The following SEMA6B variants were observed in gnomAD, a reference collection of about 807,000 sequenced individuals.
SEMA6B encodes semaphorin 6B, also known as semaphorin-6B.
SEMA6B carries 47 observed loss-of-function variants against 78.6 expected under a neutral mutation model. The observed-to-expected ratio is 0.60, with a 90% CI of 0.47 to 0.76. The LOEUF is 0.76. Ranked by LOEUF, SEMA6B falls within the 30% of genes least tolerant of loss-of-function variation. SEMA6B has a pLI of 0.00. For missense variants in SEMA6B, 1,213 were observed against 1,269.9 expected, an observed-to-expected ratio of 0.96 and a Z score of 0.68; for synonymous variants, 632 against 592.2, an observed-to-expected ratio of 1.07 and a Z score of -0.98.
chr19:4,554,370 C>T lies in SEMA6B; in HGVS notation c.771+18G>A, dbSNP rs746189578. ...GATCAGAGCCTCTCAACTTCATGCC[C>T]CACTGCACCGGCCTCACCTTCTCCA... On this transcript the variant is annotated intron_variant, in intron 9 of 16. Transcript: ENST00000586582. The T allele has an allele frequency of 1.3e-6, 2 of 1,597,772 alleles. No homozygotes were observed. Among genetic ancestry groups the T allele is most frequent in the African/African-American group, 2.7e-5 (2 of 74,540 alleles).
Position 4,550,727 on chromosome 19 carries a change from A to C in SEMA6B, c.1121+72T>G, listed in dbSNP as rs560039873. ...CAGCATCAGCTAAATAACCACCCGG[A>C]AGCCCCAGCCCTCGGCCCTGGGGAT... On this transcript the variant is annotated intron_variant, in intron 11 of 16. Transcript: ENST00000586582. This position sits in a 1 kb window ranked among gnomAD's most constrained non-coding sequence, Gnocchi z 6.6. 4.5e-6 allele frequency: 7 copies of C among 1,559,728 alleles called. No individual in the cohort carries two copies. The highest frequency in any genetic ancestry group is 6.1e-6 in the Non-Finnish European group (7 of 1,143,102).
Position 4,558,301 on chromosome 19 carries a change from G to T in SEMA6B, c.121+36C>A. 1 of 1,315,010 alleles carries T rather than the reference G, an allele frequency of 7.6e-7. No homozygotes were observed. Among genetic ancestry groups the T allele is most frequent in the South Asian group, 2.6e-5 (1 of 38,224 alleles). 81.5% of individuals were successfully genotyped at this position (1,315,010 alleles called of 1,614,324 possible). A position where few individuals can be genotyped will look rare whatever the true frequency, so the allele number is the denominator to read the frequency against. On this transcript the variant is annotated intron_variant, in intron 2 of 16. Coordinates refer to ENST00000586582, the MANE Select transcript of SEMA6B (RefSeq NM_032108.4). The surrounding 1 kb of genome is among the most constrained non-coding windows in gnomAD (Gnocchi z 5.1). ...ACTGGGAACCCAGATACTCCCACGG[G>T]ACTCCACCCCCGCCCAAAGACACCC...
Position 4,546,391 on chromosome 19 carries a change from C to A in SEMA6B, c.1679+1G>T. On this transcript the variant is annotated splice_donor_variant, in intron 15 of 16. Coordinates refer to ENST00000586582, the MANE Select transcript of SEMA6B (RefSeq NM_032108.4). LOFTEE classifies it high-confidence loss of function. ...CCACCCACCTCCCTCTCCCGCAGTA[C>A]CTGGTGCCCGGGCTGAGGAAGATGC... The A allele has an allele frequency of 6.3e-7, 1 of 1,584,738 alleles. No homozygotes were observed. Among genetic ancestry groups the A allele is most frequent in the African/African-American group, 1.3e-5 (1 of 74,308 alleles).
chr19:4,543,439 G>A lies in SEMA6B; in HGVS notation c.*162C>T. The A allele has an allele frequency of 2.5e-6, 1 of 396,418 alleles. No homozygotes were observed. The highest frequency in any genetic ancestry group is 4.4e-6 in the Non-Finnish European group (1 of 225,334). 24.6% of individuals were successfully genotyped at this position (396,418 alleles called of 1,614,324 possible). On this transcript the variant is annotated 3_prime_UTR_variant, in exon 17 of 17. Transcript: ENST00000586582. ...CCCCGGGTAGGGGGAGGGCGAGCTG[G>A]TTGTGCTTCCTTGTGGCGGAGGGGG...
chr19:4,559,039 A>G (rs573977426), intron 1 of SEMA6B, among the ~76,000 whole-genome samples: 194 of 152,184 alleles, frequency 1.3e-3, no homozygotes, highest in African/African-American at 4.5e-3. Context: ...ACAAAAAAAT[A>G]CAAAAATTAG....
chr19:4,554,396 G>A lies in SEMA6B; in HGVS notation c.763C>T (p.Leu255=), dbSNP rs768907531. The A allele has an allele frequency of 1.9e-6, 3 of 1,613,368 alleles. No homozygotes were observed. In the African/African-American group the frequency reaches 4.0e-5, roughly 22 times the overall value. Residue 255 remains leucine (L), a synonymous_variant, in exon 9 of 17, where the codon CTG becomes TTG. Coordinates refer to ENST00000586582, the MANE Select transcript of SEMA6B (RefSeq NM_032108.4). ...FREIAMEFNY[L]EKVVVSRVAR... ...CACTGCACCGGCCTCACCTTCTCCA[G>A]GTAGTTAAACTCCATCGCAATCTCC...
Position 4,544,789 on chromosome 19 carries a change from C to T in SEMA6B, c.1739-260G>A, listed in dbSNP as rs1977123904. 6.6e-6 allele frequency among the ~76,000 whole-genome samples: 1 copy of T among 151,962 alleles called. No individual in the cohort carries two copies. Among genetic ancestry groups the T allele is most frequent in the African/African-American group, 2.4e-5 (1 of 41,390 alleles). ...TAGCTGGGACCACAGGTGCCCACCA[C>T]CACGCCCGGCTAATTTTTGTATTTT... On this transcript the variant is annotated intron_variant, in intron 16 of 16. Coordinates refer to ENST00000586582, the MANE Select transcript of SEMA6B (RefSeq NM_032108.4). This position sits in a 1 kb window ranked among gnomAD's most constrained non-coding sequence, Gnocchi z 5.1.
At chr19:4,557,101 C>A in intron 4 of SEMA6B, 62 bp downstream of exon 4, 1 of 1,591,032 alleles carries the variant, frequency 6.3e-7, no homozygotes, top group East Asian at 2.2e-5. Context: ...ACCCAGCTCC[C>A]CGGCGCAGTG....
At chr19:4,549,009 T>A (rs1180960348) in intron 12 of SEMA6B, among the ~76,000 whole-genome samples, 1 of 151,950 alleles carries the variant, frequency 6.6e-6, no homozygotes, top group Non-Finnish European at 1.5e-5. Flanking sequence ...GTATTTTTAG[T>A]AGAGACAGGG....
chr19:4,543,642 G>A lies in SEMA6B; in HGVS notation c.2626C>T (p.Pro876Ser). The A allele has an allele frequency of 8.1e-7, 1 of 1,232,444 alleles. No individual in the cohort carries two copies. The highest frequency in any genetic ancestry group is 1.0e-6 in the Non-Finnish European group (1 of 988,124). The allele number at this position is 1,232,444 out of a possible 1,614,324, so 76.3% of individuals were successfully genotyped here. A position where few individuals can be genotyped will look rare whatever the true frequency, so the allele number is the denominator to read the frequency against. ...RPGTDLAHLLPYGGADRTAPP... is the reference protein window; with the variant it reads ...RPGTDLAHLLSYGGADRTAPP... ...GCAGTCCTGTCCGCCCCCCCATAGG[G>A]GAGGAGGTGGGCCAAGTCTGTGCCC... Residue 876 changes from proline to serine, a missense_variant, in exon 17 of 17, where the codon CCC becomes TCC. Physicochemically the swap from Pro to Ser is moderately conservative, Grantham distance 74 (BLOSUM62 -1). Transcript: ENST00000586582.
In SEMA6B at chr19:4,547,104, T is replaced by C. The variant is rs1977190015; in HGVS notation, c.1602-635A>G. Among the ~76,000 whole-genome samples the C allele has an allele frequency of 2.6e-5, 4 of 151,700 alleles. No individual in the cohort carries two copies. The South Asian group carries it at 8.3e-4, about 31-fold the overall frequency. ...CTTTCTGGGTAGCTGGGACCACAGGTGTGTGCCACCACGCCCAGCTGATTT... is the reference window on the plus strand; with the variant it reads ...CTTTCTGGGTAGCTGGGACCACAGGCGTGTGCCACCACGCCCAGCTGATTT... On this transcript the variant is annotated intron_variant, in intron 14 of 16. Coordinates refer to ENST00000586582, the MANE Select transcript of SEMA6B (RefSeq NM_032108.4).
chr19:4,547,985 C>T, intron 14 of SEMA6B, 42 bp downstream of exon 14: 1 of 1,507,316 alleles, frequency 6.6e-7, no homozygotes, highest in Non-Finnish European at 8.8e-7. Flanking sequence ...TGCCCATCCT[C>T]CCTTGCTTCC....
At chr19:4,547,789 C>CGT (rs1977207171) in intron 14 of SEMA6B, among the ~76,000 whole-genome samples, 1 of 151,250 alleles carries the variant, frequency 6.6e-6, no homozygotes, top group Admixed American at 6.6e-5. Flanking sequence ...CATCCCCTCC[C>CGT]CGTCCTCCCC....
Position 4,557,013 on chromosome 19 carries a change from T to G in SEMA6B, c.307A>C (p.Lys103Gln), listed in dbSNP as rs1269985763. The change falls in exon 5 of 17, where the codon AAG (lysine) becomes CAG (glutamine). Residue 103 changes from lysine to glutamine, a missense_variant and splice_region_variant. By Grantham distance (53) the Lys-to-Gln change is moderately conservative. Transcript: ENST00000586582. Reference sequence around the variant, plus strand: ...CTGGGGTTAGATCTCCAGGTCAGCTTCTGCAGACAGAGAGAGCTGGTGAGG... The same window carrying G: ...CTGGGGTTAGATCTCCAGGTCAGCTGCTGCAGACAGAGAGAGCTGGTGAGG... ...PTSTELRYQR[K>Q]LTWRSNPSDI... 6.2e-7 allele frequency: 1 copy of G among 1,612,800 alleles called. No individual in the cohort carries two copies. The highest frequency in any genetic ancestry group is 8.5e-7 in the Non-Finnish European group (1 of 1,179,450).
chr19:4,547,443 G>A (rs572209026), intron 14 of SEMA6B, among the ~76,000 whole-genome samples: 1 of 152,342 alleles, frequency 6.6e-6, no homozygotes, highest in South Asian at 2.1e-4. Flanking sequence ...CCTTGGACTC[G>A]GAGCTACTGG....
chr19:4,553,448 G>GTGGA (rs763844125), intron 9 of SEMA6B, among the ~76,000 whole-genome samples: 34,282 of 115,528 alleles, frequency 0.3, 5,791 homozygotes, highest in East Asian at 0.47. Flanking sequence ...GGATGGGTGA[G>GTGGA]TGGATGGATG....
At position 4,546,438 on chromosome 19, in the gene SEMA6B, C is replaced by A. The variant is rs753623769; in HGVS notation, c.1633G>T (p.Gly545Trp). 1.3e-6 allele frequency: 2 copies of A among 1,575,604 alleles called. No individual in the cohort carries two copies. The highest frequency in any genetic ancestry group is 1.7e-6 in the Non-Finnish European group (2 of 1,160,070). The change falls in exon 15 of 17, where the codon GGG (glycine) becomes TGG (tryptophan). Residue 545 changes from glycine (G) to tryptophan (W), a missense_variant. Transcript: ENST00000586582. ...ATGCAGGAGCCGTCGGGGGCCCACC[C>A]GCAGTAGGGGTCCTGACTGCCGATA... is the stretch of plus-strand genomic sequence containing the variant. ...NCIGSQDPYCGWAPDGSCIFL... is the reference protein window; with the variant it reads ...NCIGSQDPYCWWAPDGSCIFL...
At position 4,550,102 on chromosome 19, in the gene SEMA6B, C is replaced by G; in HGVS notation, c.1271+21G>C. The G allele has an allele frequency of 6.2e-7, 1 of 1,611,820 alleles. No individual in the cohort carries two copies. The highest frequency in any genetic ancestry group is 8.5e-7 in the Non-Finnish European group (1 of 1,178,842). The stretch of plus-strand genomic sequence containing the variant: ...CCCCATCCTGTCTCCCCTCGCCATG[C>G]CCTGCCTCTCCAGGACCGACCTCAT... On this transcript the variant is annotated intron_variant, in intron 12 of 16. Transcript: ENST00000586582. This position sits in a 1 kb window ranked among gnomAD's most constrained non-coding sequence, Gnocchi z 6.6.
Position 4,544,469 on chromosome 19 carries a change from A to G in SEMA6B, c.1799T>C (p.Val600Ala). 1 of 1,597,604 alleles carries G rather than the reference A, an allele frequency of 6.3e-7. No individual in the cohort carries two copies. Among genetic ancestry groups the G allele is most frequent in the Non-Finnish European group, 8.5e-7 (1 of 1,173,034 alleles). The change falls in exon 17 of 17, where the codon GTA becomes GCA. Residue 600 changes from valine to alanine, a missense_variant. Coordinates refer to ENST00000586582, the MANE Select transcript of SEMA6B (RefSeq NM_032108.4). This position sits in a 1 kb window ranked among gnomAD's most constrained non-coding sequence, Gnocchi z 5.1. ...CACGAAGGCCGCCACCGACGACGTT[A>G]CCAGCAGGTTCACCGACACCAGCCC... ...RAGLVSVNLL[V>A]TSSVAAFVVG...
Sources: allele counts gnomAD v4.1 joint callset (sites outside exome capture counted in the v4.1 genomes callset), GRCh38; gene constraint gnomAD v4.1.1; non-coding constraint Gnocchi (gnomAD v3.1); transcripts MANE v1.5; gene names NCBI Gene and HGNC (gene_info 2026-07-23, HGNC 2026-07-21).